Variants in SEMA6D observed in about 807,000 individuals in gnomAD.
SEMA6D encodes semaphorin-6D.
Under a neutral mutation model 106.6 loss-of-function variants are expected in SEMA6D, and 35 were observed. That is an observed-to-expected ratio of 0.33 (90% CI 0.25 to 0.44). The LOEUF (loss-of-function observed/expected upper bound fraction) is 0.44, where lower values mean the gene tolerates loss of function less well. Among genes scored for constraint, SEMA6D ranks in the 20% least tolerant of loss-of-function variants. The pLI is 1.00. For missense variants in SEMA6D, 1,185 were observed against 1,345.9 expected, an observed-to-expected ratio of 0.88 and a Z score of 1.87; for synonymous variants, 499 against 487.7, an observed-to-expected ratio of 1.02 and a Z score of -0.31.
At chr15:47,200,228 C>T (rs1300197689) in intron 1 of SEMA6D, among the ~76,000 whole-genome samples, 2 of 152,094 alleles carry the variant, frequency 1.3e-5, no homozygotes, top group African/African-American at 4.8e-5. Flanking sequence ...ATTTAGCTCC[C>T]CTTGCTTCCT....
At chr15:47,399,228 C>G (rs1015180653) in intron 1 of SEMA6D, 2 of 152,154 alleles carry the variant, frequency 1.3e-5, no homozygotes, top group African/African-American at 2.4e-5. Context: ...GTGATTTGCT[C>G]AAGGTCACAT....
intron 1 of SEMA6D, among the ~76,000 whole-genome samples, chr15:47,290,004 TAAAAG>T (rs2035531358): frequency 6.6e-6 from 1 of 152,080 alleles, no homozygotes; most frequent in African/African-American, 2.4e-5. Flanking sequence ...TCAGTAATCT[TAAAAG>T]TAAAGAAAAA....
At chr15:47,406,568 G>A (rs1167331848) in intron 1 of SEMA6D, among the ~76,000 whole-genome samples, 1 of 152,026 alleles carries the variant, frequency 6.6e-6, no homozygotes, top group Non-Finnish European at 1.5e-5. Context: ...CTAAAAATAA[G>A]TCAATCTCAT....
At chr15:47,484,669 A>T (rs1453303820) in intron 3 of SEMA6D, among the ~76,000 whole-genome samples, 1 of 152,194 alleles carries the variant, frequency 6.6e-6, no homozygotes, top group African/African-American at 2.4e-5. Flanking sequence ...CCAGGCAGGT[A>T]AATGGAATCC....
chr15:47,542,306 A>G (rs990618173), intron 3 of SEMA6D, among the ~76,000 whole-genome samples: 17 of 152,212 alleles, frequency 1.1e-4, no homozygotes, highest in Non-Finnish European at 4.4e-5. Flanking sequence ...ATTCTGGAAT[A>G]TATAAACCTT....
intron 3 of SEMA6D, among the ~76,000 whole-genome samples, chr15:47,551,942 G>C (rs912506190): frequency 6.6e-6 from 1 of 152,136 alleles, no homozygotes; most frequent in Admixed American, 6.6e-5. Flanking sequence ...AAAGGAATTT[G>C]ACCTTAGGTA....
Position 47,584,499 on chromosome 15 carries a change from C to G in SEMA6D, c.-86-16366C>G, listed in dbSNP as rs191567362. Among the ~76,000 whole-genome samples the G allele has an allele frequency of 4.6e-5, 7 of 152,120 alleles. No individual in the cohort carries two copies. In the East Asian group the frequency reaches 1.2e-3, roughly 25 times the overall value. On this transcript the variant is annotated intron_variant, in intron 3 of 19. Transcript: ENST00000558014. Reference sequence around the variant, plus strand: ...AATTTGCGGAGGTCAGAGCCTGGCTCTGCCTGATTTATTCAGCCCCTGGCA... The same window carrying G: ...AATTTGCGGAGGTCAGAGCCTGGCTGTGCCTGATTTATTCAGCCCCTGGCA...
intron 1 of SEMA6D, among the ~76,000 whole-genome samples, chr15:47,275,828 C>A (rs1401701280): frequency 2.0e-5 from 3 of 152,076 alleles, no homozygotes; most frequent in African/African-American, 7.2e-5. Context: ...TAAGTAAGTC[C>A]TATCAGAAGC....
At chr15:47,733,125 T>G (rs1386073281) in intron 1 of SEMA6D, among the ~76,000 whole-genome samples, 1 of 152,248 alleles carries the variant, frequency 6.6e-6, no homozygotes, top group Non-Finnish European at 1.5e-5. Flanking sequence ...AGCTAAAGTT[T>G]CGTAGTGTTT....
chr15:47,675,473 A>C (rs1465812581), intron 4 of SEMA6D, among the ~76,000 whole-genome samples: 1 of 152,134 alleles, frequency 6.6e-6, no homozygotes, highest in Middle Eastern at 3.2e-3. Context: ...TCTGCAAGAC[A>C]AGGAGAGGGA....
At chr15:47,586,712 T>C (rs2076346526) in intron 3 of SEMA6D, among the ~76,000 whole-genome samples, 1 of 152,104 alleles carries the variant, frequency 6.6e-6, no homozygotes, top group Non-Finnish European at 1.5e-5. Flanking sequence ...TAACAGTGAT[T>C]TGTGGAATTA....
At chr15:47,613,182 G>A (rs867743783) in intron 4 of SEMA6D, among the ~76,000 whole-genome samples, 4 of 152,186 alleles carry the variant, frequency 2.6e-5, no homozygotes, top group Admixed American at 6.5e-5. Flanking sequence ...CACATACACC[G>A]TCACACAATA....
chr15:47,762,076 G>A, intron 7 of SEMA6D, 124 bp from the exon 8 acceptor site: 1 of 1,036,642 alleles, frequency 9.6e-7, no homozygotes, highest in Non-Finnish European at 1.4e-6. Context: ...ATCAGGTGTA[G>A]CCCTATTTGT....
At chr15:47,619,160 C>T (rs542649292) in intron 4 of SEMA6D, among the ~76,000 whole-genome samples, 1 of 152,324 alleles carries the variant, frequency 6.6e-6, no homozygotes, top group Non-Finnish European at 1.5e-5. Flanking sequence ...AAGGGAAGAC[C>T]TGTGCTAGTC....
chr15:47,451,514 G>C (rs2042191865), intron 2 of SEMA6D, among the ~76,000 whole-genome samples: 1 of 151,964 alleles, frequency 6.6e-6, no homozygotes, highest in African/African-American at 2.4e-5. Context: ...CCTAAGGTTG[G>C]TGACTGGATG....
chr15:47,398,658 T>C (rs1382448989), intron 1 of SEMA6D, among the ~76,000 whole-genome samples: 1 of 152,060 alleles, frequency 6.6e-6, no homozygotes, highest in African/African-American at 2.4e-5. Context: ...AATTTAAGCA[T>C]AGAAAAAAGG....
rs71118191 is a variant in SEMA6D at position 47,657,719 on chromosome 15, CTTTTTTTTTTTTTTTTTTTTTT to C, written c.-55+56842_-55+56863del. Among the ~76,000 whole-genome samples the C allele has an allele frequency of 9.9e-4, 54 of 54,678 alleles. No individual in the cohort carries two copies. In the South Asian group the frequency reaches 0.023, roughly 23 times the overall value. The allele number at this position is 54,678 out of a possible 152,430, so 35.9% of individuals were successfully genotyped here. A position where few individuals can be genotyped will look rare whatever the true frequency, so the allele number is the denominator to read the frequency against. ...CATTTAGTGACAGAGGGCTTCATTTCTTTTTTTTTTTTTTTTTTTTTTTTTTTTTTTTTTTTTTTTGAGACAG... is the reference window on the plus strand; with the variant it reads ...CATTTAGTGACAGAGGGCTTCATTTCTTTTTTTTTTTTTTTTTTGAGACAG... On this transcript the variant is annotated intron_variant, in intron 4 of 19. Transcript: ENST00000558014.
chr15:47,315,032 AT>A (rs1269932746), intron 1 of SEMA6D, among the ~76,000 whole-genome samples: 2 of 150,294 alleles, frequency 1.3e-5, no homozygotes, highest in Non-Finnish European at 3.0e-5. Flanking sequence ...CGCCCGGCTA[AT>A]TTTTTTGTAT....
chr15:47,340,674 A>G (rs960330115), intron 1 of SEMA6D, among the ~76,000 whole-genome samples: 1 of 152,226 alleles, frequency 6.6e-6, no homozygotes, highest in African/African-American at 2.4e-5. Context: ...CATCATGCCT[A>G]CGTGAGATTG....
Sources: gnomAD v4.1 joint callset for allele counts (sites outside exome capture counted in the v4.1 genomes callset) on GRCh38, gnomAD v4.1.1 for gene constraint, MANE v1.5 for transcripts, NCBI Gene and HGNC (gene_info 2026-07-23, HGNC 2026-07-21) for gene names.